The following RAB23 variants were observed in gnomAD, a reference collection of about 807,000 sequenced individuals.
RAB23 encodes ras-related protein Rab-23.
In RAB23, 15 loss-of-function variants were observed where a neutral mutation model predicts 30.0. That is an observed-to-expected ratio of 0.50 (90% CI 0.33 to 0.77). RAB23 has a LOEUF of 0.77. RAB23 is among the 30% of genes least tolerant of loss of function. The pLI is 0.02. For missense variants in RAB23, 243 were observed against 275.4 expected (o/e 0.88, Z 0.83); for synonymous variants, 93 against 94.0 (o/e 0.99, Z 0.06).
At chr6:57,192,354 C>T (rs1299478898) in intron 6 of RAB23, among the ~76,000 whole-genome samples, 1 of 152,134 alleles carries the variant, frequency 6.6e-6, no homozygotes, top group African/African-American at 2.4e-5. Flanking sequence ...GAGATACTGT[C>T]AGGGATACAA....
intron 3 of RAB23, among the ~76,000 whole-genome samples, chr6:57,205,901 C>A (rs1765440490): frequency 6.6e-6 from 1 of 152,138 alleles, no homozygotes; most frequent in African/African-American, 2.4e-5. Flanking sequence ...GCAAAGAAAT[C>A]AGCAGAGTGG....
chr6:57,210,038 G>A (rs1001231291), intron 2 of RAB23, among the ~76,000 whole-genome samples, 188 bp downstream of exon 2: 1 of 149,606 alleles, frequency 6.7e-6, no homozygotes, highest in Non-Finnish European at 1.5e-5. Flanking sequence ...ATGAAAGAAG[G>A]GAAGAGATGA....
chr6:57,196,749 A>C, intron 3 of RAB23, 143 bp from the exon 4 acceptor site: 10 of 927,554 alleles, frequency 1.1e-5, no homozygotes, highest in Non-Finnish European at 1.5e-5. Context: ...TGTTGAACTC[A>C]TCTTTGTACT....
At chr6:57,194,678 C>A in intron 5 of RAB23, 92 bp downstream of exon 5, 1 of 966,586 alleles carries the variant, frequency 1.0e-6, no homozygotes, top group South Asian at 1.6e-5. Flanking sequence ...AAATCTTGTT[C>A]TCGTTATAAA....
chr6:57,210,113 G>T, intron 2 of RAB23, 113 bp downstream of exon 2: 1 of 1,109,312 alleles, frequency 9.0e-7, no homozygotes, highest in Non-Finnish European at 1.3e-6. Flanking sequence ...CATGAGCATT[G>T]CCACTAGTTG....
rs372616848 is a variant in RAB23, at chr6:57,202,652, G to A, written c.241+4976C>T. Among the ~76,000 whole-genome samples, 12 of 152,132 alleles carry A rather than the reference G, an allele frequency of 7.9e-5. No homozygotes were observed. The East Asian group carries it at 1.2e-3, about 15-fold the overall frequency. On this transcript the variant is annotated intron_variant, in intron 3 of 6. Coordinates refer to ENST00000468148, the MANE Select transcript of RAB23 (RefSeq NM_016277.5). ...AGGAGAATCAGTAAGGTTATAGGCT[G>A]AACAAACAACTAAAAGGGATGCTAT...
intron 3 of RAB23, among the ~76,000 whole-genome samples, chr6:57,199,430 T>C (rs1488365381): frequency 1.3e-5 from 2 of 152,212 alleles, no homozygotes; most frequent in African/African-American, 4.8e-5. Flanking sequence ...CCTGGGATCA[T>C]GTCCCAAATA....
intron 3 of RAB23, among the ~76,000 whole-genome samples, chr6:57,200,518 C>A (rs1349941288): frequency 5.1e-5 from 6 of 118,046 alleles, no homozygotes; most frequent in Non-Finnish European, 8.0e-5. Context: ...GCTTGGGTGA[C>A]AGAGTGAGAC....
chr6:57,209,787 T>G (rs888127765), intron 2 of RAB23, among the ~76,000 whole-genome samples: 4 of 152,222 alleles, frequency 2.6e-5, no homozygotes, highest in African/African-American at 9.6e-5. Flanking sequence ...CTTATTTCTT[T>G]AGAGTAAAGC....
chr6:57,197,677 G>C (rs1442376679), intron 3 of RAB23, among the ~76,000 whole-genome samples: 1 of 152,154 alleles, frequency 6.6e-6, no homozygotes, highest in Non-Finnish European at 1.5e-5. Context: ...ACAGCAGTTT[G>C]CTATTACTGT....
intron 3 of RAB23, among the ~76,000 whole-genome samples, chr6:57,205,609 A>C (rs1025905915): frequency 1.3e-5 from 2 of 152,236 alleles, no homozygotes; most frequent in Admixed American, 6.5e-5. Context: ...TGAGGGCCAC[A>C]GAAAGTTTCA....
At chr6:57,220,173 ATTAG>A (rs2128009470) in intron 1 of RAB23, among the ~76,000 whole-genome samples, 1 of 152,306 alleles carries the variant, frequency 6.6e-6, no homozygotes, top group African/African-American at 2.4e-5. Flanking sequence ...ATCTTTAGCC[ATTAG>A]TTAAAGGCAC....
intron 6 of RAB23, among the ~76,000 whole-genome samples, chr6:57,193,547 G>C (rs1325420141): frequency 6.6e-6 from 1 of 152,184 alleles, no homozygotes. Flanking sequence ...AAGAGCCAGT[G>C]TAAGTACAGA....
intron 1 of RAB23, among the ~76,000 whole-genome samples, chr6:57,214,981 G>A (rs1034798065): frequency 6.6e-6 from 1 of 152,018 alleles, no homozygotes; most frequent in Non-Finnish European, 1.5e-5. Flanking sequence ...ATAAACAGAA[G>A]ATATAAAGAA....
chr6:57,220,625 C>A (rs907549478), intron 1 of RAB23, among the ~76,000 whole-genome samples: 3 of 152,044 alleles, frequency 2.0e-5, no homozygotes, highest in Non-Finnish European at 2.9e-5. Context: ...AGGCATTATG[C>A]TGAGTGAAAA....
chr6:57,193,159 G>A (rs1332692335), intron 6 of RAB23, among the ~76,000 whole-genome samples: 2 of 151,920 alleles, frequency 1.3e-5, no homozygotes, highest in Non-Finnish European at 2.9e-5. Flanking sequence ...AAGCATTTGA[G>A]GTCTCTGATG....
chr6:57,213,037 G>C (rs1441662547), intron 1 of RAB23, among the ~76,000 whole-genome samples: 2 of 151,356 alleles, frequency 1.3e-5, no homozygotes. Flanking sequence ...GGAGGTTGGT[G>C]GGGGGCAGTG....
chr6:57,210,401 C>G lies in RAB23; in HGVS notation c.-21G>C. 1 of 1,611,486 alleles carries G rather than the reference C, an allele frequency of 6.2e-7. No individual in the cohort carries two copies. The highest frequency in any genetic ancestry group is 8.5e-7 in the Non-Finnish European group (1 of 1,177,868). On this transcript the variant is annotated 5_prime_UTR_variant, in exon 2 of 7. Transcript: ENST00000468148. ...AACATTTTTGGAGCTGAAATGGTTT[C>G]TGTACCAACTCTAATTCTAGGAGAT...
chr6:57,213,052 G>A (rs1370889121), intron 1 of RAB23, among the ~76,000 whole-genome samples: 1 of 152,122 alleles, frequency 6.6e-6, no homozygotes, highest in African/African-American at 2.4e-5. Flanking sequence ...GCAGTGGAGG[G>A]ACGGTTTGGG....
Sources: allele counts gnomAD v4.1 joint callset (sites outside exome capture counted in the v4.1 genomes callset), GRCh38; gene constraint gnomAD v4.1.1; transcripts MANE v1.5; gene names NCBI Gene and HGNC (gene_info 2026-07-23, HGNC 2026-07-21).